Variants in LRRFIP1 observed in about 807,000 individuals in gnomAD.
LRRFIP1 encodes the protein leucine-rich repeat flightless-interacting protein 1.
LRRFIP1 carries 62 observed loss-of-function variants against 104.4 expected under a neutral mutation model. The observed-to-expected ratio is 0.59, with a 90% CI of 0.48 to 0.73. The LOEUF is 0.73. LRRFIP1 is among the 30% of genes least tolerant of loss of function. LRRFIP1 has a pLI of 0.00. For missense variants in LRRFIP1, 796 were observed against 824.5 expected, an observed-to-expected ratio of 0.97 and a Z score of 0.42; for synonymous variants, 300 against 299.0, an observed-to-expected ratio of 1.00 and a Z score of -0.03.
chr2:237,727,766 G>A (rs11686648), intron 7 of LRRFIP1, 110 bp from the exon 8 acceptor site: 6 of 750,290 alleles, frequency 8.0e-6, no homozygotes, highest in African/African-American at 1.7e-5. Context: ...TCATTCATCC[G>A]CTCCACAAGA....
chr2:237,764,678 TG>T lies in LRRFIP1; in HGVS notation c.1459+4474del, dbSNP rs1388297773. 5 of 988,932 alleles carry T rather than the reference TG, an allele frequency of 5.1e-6. No individual in the cohort carries two copies. In the East Asian group the frequency reaches 4.5e-4, roughly 89 times the overall value. 61.3% of individuals were successfully genotyped at this position (988,932 alleles called of 1,614,324 possible). On this transcript the variant is annotated intron_variant, in intron 19 of 23. Coordinates refer to ENST00000308482, the MANE Select transcript of LRRFIP1 (RefSeq NM_001137550.2). ...GCCAAATAGCAAATAGGTCACTGAA[TG>T]ATAAGATTTGCACCTTAGAACAATA...
intron 17 of LRRFIP1, 42 bp from the exon 18 acceptor site, chr2:237,758,687 G>C (rs765550767): frequency 1.4e-6 from 2 of 1,434,504 alleles, no homozygotes; most frequent in African/African-American, 1.4e-5. Flanking sequence ...TTGCTCATCT[G>C]TGCAAATCTT....
At chr2:237,770,319 G>A in intron 20 of LRRFIP1, 1 of 265,492 alleles carries the variant, frequency 3.8e-6, no homozygotes, top group East Asian at 8.3e-5. Context: ...ATTAACTGTT[G>A]AGAGACAAGA....
At chr2:237,725,713 CA>C (rs2094718805) in intron 7 of LRRFIP1, among the ~76,000 whole-genome samples, 4 of 152,304 alleles carry the variant, frequency 2.6e-5, no homozygotes, top group Non-Finnish European at 4.4e-5. Flanking sequence ...GGCTTTCCTG[CA>C]AAGTAACAGT....
At chr2:237,746,398 C>A (rs1021390222) in intron 11 of LRRFIP1, among the ~76,000 whole-genome samples, 5 of 152,142 alleles carry the variant, frequency 3.3e-5, no homozygotes, top group African/African-American at 1.2e-4. Context: ...GAATATTTTT[C>A]TTTCCATGTG....
intron 1 of LRRFIP1, among the ~76,000 whole-genome samples, chr2:237,646,148 G>A (rs1019143647): frequency 6.6e-6 from 1 of 151,722 alleles, no homozygotes; most frequent in South Asian, 2.1e-4. Flanking sequence ...TCGATATTCT[G>A]ATTAGTTCGC....
intron 22 of LRRFIP1, among the ~76,000 whole-genome samples, chr2:237,773,536 A>T (rs1292535360): frequency 6.6e-6 from 1 of 152,138 alleles, no homozygotes; most frequent in African/African-American, 2.4e-5. Context: ...ACTCTGTCTC[A>T]AAAATAAAAT....
chr2:237,690,630 G>A (rs1254438038), intron 1 of LRRFIP1, among the ~76,000 whole-genome samples: 2 of 151,776 alleles, frequency 1.3e-5, no homozygotes, highest in Admixed American at 1.3e-4. Context: ...CCACCTACTC[G>A]GGAGGCTGAG....
intron 1 of LRRFIP1, among the ~76,000 whole-genome samples, chr2:237,659,430 C>T (rs1477775879): frequency 1.3e-5 from 2 of 151,782 alleles, no homozygotes; most frequent in Non-Finnish European, 2.9e-5. Context: ...AGTTTGGGGA[C>T]AGAGAGCAAA....
At chr2:237,772,300 C>T (rs766005260) in intron 21 of LRRFIP1, 102 bp downstream of exon 21, 41 of 806,288 alleles carry the variant, frequency 5.1e-5, no homozygotes, top group Non-Finnish European at 8.3e-5. Context: ...TGCCCTCATT[C>T]CCTCACATCC....
At chr2:237,732,280 T>TC (rs1384897286) in intron 8 of LRRFIP1, among the ~76,000 whole-genome samples, 1 of 152,168 alleles carries the variant, frequency 6.6e-6, no homozygotes, top group Non-Finnish European at 1.5e-5. Flanking sequence ...TGCGATGCCG[T>TC]GAGGGTGTGA....
intron 1 of LRRFIP1, among the ~76,000 whole-genome samples, chr2:237,698,245 A>G (rs138659347): frequency 3.3e-5 from 5 of 152,348 alleles, no homozygotes; most frequent in South Asian, 4.1e-4. Flanking sequence ...CATGAACCCA[A>G]AGAATTTCAG....
chr2:237,687,989 C>A (rs1392336038), intron 1 of LRRFIP1, among the ~76,000 whole-genome samples: 1 of 152,234 alleles, frequency 6.6e-6, no homozygotes, highest in Admixed American at 6.5e-5. Context: ...CTGGCATTTT[C>A]TGGTTAGCTA....
At chr2:237,687,037 GT>G (rs2149702347) in intron 1 of LRRFIP1, among the ~76,000 whole-genome samples, 1 of 152,366 alleles carries the variant, frequency 6.6e-6, no homozygotes, top group South Asian at 2.1e-4. Flanking sequence ...TCTGCTCTGA[GT>G]GAGGCCCCTG....
At chr2:237,653,920 G>A (rs964413195) in intron 1 of LRRFIP1, among the ~76,000 whole-genome samples, 4 of 152,124 alleles carry the variant, frequency 2.6e-5, no homozygotes, top group East Asian at 1.9e-4. Flanking sequence ...AACATAAGGC[G>A]AAAGCTCCAT....
chr2:237,769,637 T>C (rs1258536498), intron 19 of LRRFIP1: 1 of 335,232 alleles, frequency 3.0e-6, no homozygotes, highest in East Asian at 5.4e-5. Flanking sequence ...CTGTGAGATC[T>C]TGTGTTGCAG....
rs747410729 is a variant in LRRFIP1, at chr2:237,717,758, A to G, written c.202-4A>G. The G allele has an allele frequency of 3.7e-6, 6 of 1,608,054 alleles. No homozygotes were observed. In the African/African-American group the frequency reaches 4.0e-5, roughly 11 times the overall value. ...GCCTAATTTTCTTTCCCTTCTGTCTATAGAAATATTATGGGCTGGATACAA... is the reference window on the plus strand; with the variant it reads ...GCCTAATTTTCTTTCCCTTCTGTCTGTAGAAATATTATGGGCTGGATACAA... On this transcript the variant is annotated splice_region_variant and splice_polypyrimidine_tract_variant and intron_variant, in intron 3 of 23. Transcript: ENST00000308482. This position sits in a 1 kb window ranked among gnomAD's most constrained non-coding sequence, Gnocchi z 4.2.
chr2:237,753,227 G>GTT, intron 14 of LRRFIP1, 82 bp from the exon 15 acceptor site: 1 of 1,087,328 alleles, frequency 9.2e-7, no homozygotes, highest in Non-Finnish European at 1.3e-6. Context: ...AGGACTGAGG[G>GTT]TTTTTTTTTA....
Position 237,709,992 on chromosome 2 carries a change from A to T in LRRFIP1, c.183+1362A>T, listed in dbSNP as rs571043611. ...CTCAGCCTCCCAAGTAGCTGGGATT[A>T]TAGGTGCGCACCACCATGCCTGGCT... On this transcript the variant is annotated intron_variant, in intron 2 of 23. Transcript: ENST00000308482. Among the ~76,000 whole-genome samples, 177 of 151,846 alleles carry T rather than the reference A, an allele frequency of 1.2e-3. 2 individuals are homozygous for T. The highest frequency in any genetic ancestry group is 4.1e-3 in the African/African-American group (170 of 41,390).
Sources: allele counts gnomAD v4.1 joint callset (sites outside exome capture counted in the v4.1 genomes callset), GRCh38; gene constraint gnomAD v4.1.1; non-coding constraint Gnocchi (gnomAD v3.1); transcripts MANE v1.5; gene names NCBI Gene and HGNC (gene_info 2026-07-23, HGNC 2026-07-21).